The following GYPE variants were observed in gnomAD, a reference collection of about 807,000 sequenced individuals.
GYPE encodes the protein glycophorin E (MNS blood group), also known as glycophorin-E.
GYPE carries 8 observed loss-of-function variants against 11.6 expected under a neutral mutation model. That is an observed-to-expected ratio of 0.69 (90% CI 0.41 to 1.25). The LOEUF is 1.25. Ranked by LOEUF, GYPE falls within the 50% of genes most tolerant of loss-of-function variation. The pLI is 0.01. For synonymous variants in GYPE, 28 were observed against 29.6 expected, an observed-to-expected ratio of 0.94 and a Z score of 0.18; for missense variants, 90 against 92.8, an observed-to-expected ratio of 0.97 and a Z score of 0.12.
At chr4:143,892,198 CT>C in intron 1 of GYPE, among the ~76,000 whole-genome samples, 1 of 152,110 alleles carries the variant, frequency 6.6e-6, no homozygotes, top group South Asian at 2.1e-4. Flanking sequence ...ATTCTTCTCT[CT>C]TTTTTTCTTT....
intron 1 of GYPE, among the ~76,000 whole-genome samples, chr4:143,896,909 A>C (rs962277707): frequency 5.9e-5 from 9 of 152,086 alleles, no homozygotes; most frequent in Middle Eastern, 3.2e-3. Context: ...TCGCAAGGAC[A>C]AAAAACCAAA....
intron 2 of GYPE, among the ~76,000 whole-genome samples, 172 bp downstream of exon 2, chr4:143,880,239 G>A (rs1743971682): frequency 6.6e-6 from 1 of 152,124 alleles, no homozygotes; most frequent in African/African-American, 2.4e-5. Context: ...AGATATTTCA[G>A]AGGCAAGAAT....
rs143912278 is a variant in GYPE at position 143,879,497 on chromosome 4, CAG to C, written c.136+912_136+913del. Among the ~76,000 whole-genome samples, 1,286 of 152,122 alleles carry C rather than the reference CAG, an allele frequency of 8.5e-3. 17 individuals carry two copies. The highest frequency in any genetic ancestry group is 0.029 in the African/African-American group (1,202 of 41,512). ...GTGGTATATGGGCTTTGGAGTAAAA[CAG>C]ATGGGTTTTCTGTCACAAAAGCTTG... On this transcript the variant is annotated intron_variant, in intron 2 of 3. Coordinates refer to ENST00000358615, the MANE Select transcript of GYPE (RefSeq NM_198682.3).
intron 1 of GYPE, among the ~76,000 whole-genome samples, chr4:143,894,278 G>A (rs1408205260): frequency 1.3e-5 from 2 of 151,956 alleles, no homozygotes; most frequent in Non-Finnish European, 1.5e-5. Context: ...GCTTGGAGTA[G>A]TTTGATCGTC....
chr4:143,881,467 G>A lies in GYPE; in HGVS notation c.38-958C>T, dbSNP rs1306952864. 4.6e-5 allele frequency among the ~76,000 whole-genome samples: 7 copies of A among 152,116 alleles called. No individual in the cohort carries two copies. The East Asian group carries it at 1.3e-3, about 29-fold the overall frequency. On this transcript the variant is annotated intron_variant, in intron 1 of 3. Coordinates refer to ENST00000358615, the MANE Select transcript of GYPE (RefSeq NM_198682.3). ...ATTCATCTACAGTCAGCCTATGCAAGGTTGAACATTTGACACATTTTGATA... is the reference window on the plus strand; with the variant it reads ...ATTCATCTACAGTCAGCCTATGCAAAGTTGAACATTTGACACATTTTGATA...
At position 143,905,508 on chromosome 4, in the gene GYPE, C is replaced by A; in HGVS notation, c.-1G>T. 6.2e-7 allele frequency: 1 copy of A among 1,613,208 alleles called. No homozygotes were observed. The highest frequency in any genetic ancestry group is 8.5e-7 in the Non-Finnish European group (1 of 1,179,332). ...ATACAAAGATTATTTTTCCATACAT[C>A]CTGAGATCACGAGCTGGCTCCTGAA... On this transcript the variant is annotated 5_prime_UTR_variant, in exon 1 of 4. Coordinates refer to ENST00000358615, the MANE Select transcript of GYPE (RefSeq NM_198682.3).
chr4:143,901,823 A>C (rs1248740283), intron 1 of GYPE, among the ~76,000 whole-genome samples: 3 of 151,518 alleles, frequency 2.0e-5, no homozygotes, highest in Non-Finnish European at 4.4e-5. Flanking sequence ...TAAATTTCCT[A>C]ATTTAAAATC....
intron 1 of GYPE, among the ~76,000 whole-genome samples, chr4:143,899,554 C>T (rs370155274): frequency 4.8e-4 from 73 of 152,248 alleles, no homozygotes; most frequent in African/African-American, 1.5e-3. Context: ...GTGAATCACA[C>T]TTCATGAATT....
intron 2 of GYPE, among the ~76,000 whole-genome samples, chr4:143,880,072 GC>G (rs1302985942): frequency 6.6e-6 from 1 of 152,220 alleles, no homozygotes; most frequent in African/African-American, 2.4e-5. Context: ...ATAGAGCTGA[GC>G]CCGGGTCTGA....
chr4:143,904,192 C>G (rs1324375648), intron 1 of GYPE, among the ~76,000 whole-genome samples: 5 of 151,956 alleles, frequency 3.3e-5, no homozygotes, highest in South Asian at 2.1e-4. Context: ...GGTTTGTTCC[C>G]TAGTCTGTAA....
chr4:143,874,154 A>T (rs2149902994), intron 3 of GYPE, among the ~76,000 whole-genome samples: 1 of 152,186 alleles, frequency 6.6e-6, no homozygotes, highest in South Asian at 2.1e-4. Flanking sequence ...GGCTTTTGTT[A>T]TTGTCTCTTT....
chr4:143,889,976 A>G (rs1237789778), intron 1 of GYPE, among the ~76,000 whole-genome samples: 4 of 152,232 alleles, frequency 2.6e-5, no homozygotes, highest in Non-Finnish European at 5.9e-5. Context: ...ACTGTGATCT[A>G]TGTAGCAGAA....
intron 3 of GYPE, 122 bp downstream of exon 3, chr4:143,876,624 G>A: frequency 1.6e-6 from 1 of 635,706 alleles, no homozygotes; most frequent in East Asian, 2.8e-5. Context: ...GTGTCCAGTT[G>A]AAAAAGATGG....
At chr4:143,875,428 A>C in intron 3 of GYPE, 1 of 1,549,104 alleles carries the variant, frequency 6.5e-7, no homozygotes, top group South Asian at 1.2e-5. Context: ...TAGCAGGTGC[A>C]GCCAGTTTGC....
At chr4:143,881,022 C>T (rs1744003256) in intron 1 of GYPE, among the ~76,000 whole-genome samples, 1 of 151,912 alleles carries the variant, frequency 6.6e-6, no homozygotes, top group Non-Finnish European at 1.5e-5. Context: ...AACTTCTGTC[C>T]CATATCTCAG....
chr4:143,894,886 A>G (rs1305056098), intron 1 of GYPE, among the ~76,000 whole-genome samples: 1 of 152,126 alleles, frequency 6.6e-6, no homozygotes, highest in Admixed American at 6.5e-5. Context: ...GCATATAAAC[A>G]GAACCAAAGA....
chr4:143,879,050 C>T (rs879431939), intron 2 of GYPE, among the ~76,000 whole-genome samples: 1 of 152,136 alleles, frequency 6.6e-6, no homozygotes, highest in Non-Finnish European at 1.5e-5. Context: ...TTACTCCACA[C>T]AGATGCCAGT....
At chr4:143,893,858 G>A (rs1344315685) in intron 1 of GYPE, among the ~76,000 whole-genome samples, 2 of 152,098 alleles carry the variant, frequency 1.3e-5, no homozygotes, top group Admixed American at 1.3e-4. Context: ...ATGTTGGCCT[G>A]CCTTGCTAGA....
At chr4:143,900,316 G>T (rs1389219253) in intron 1 of GYPE, among the ~76,000 whole-genome samples, 1 of 128,054 alleles carries the variant, frequency 7.8e-6, no homozygotes, top group Non-Finnish European at 1.7e-5. Flanking sequence ...AGATTGTGGA[G>T]AAATTGGCAC....
Sources: gnomAD v4.1 joint callset for allele counts (sites outside exome capture counted in the v4.1 genomes callset) on GRCh38, gnomAD v4.1.1 for gene constraint, MANE v1.5 for transcripts, NCBI Gene and HGNC (gene_info 2026-07-23, HGNC 2026-07-21) for gene names.